The following CNTN2 variants were observed in gnomAD, a reference collection of about 807,000 sequenced individuals.
The protein encoded by CNTN2 is contactin-2.
Under a neutral mutation model 117.5 loss-of-function variants are expected in CNTN2, and 53 were observed. The ratio of observed to expected loss-of-function variants is 0.45; its 90% CI spans 0.36 to 0.57. The LOEUF is 0.57. CNTN2 is among the 20% of genes least tolerant of loss of function. CNTN2 has a pLI of 0.00. For missense variants in CNTN2, 1,106 were observed against 1,404.3 expected (o/e 0.79, Z 3.39); for synonymous variants, 530 against 561.7 (o/e 0.94, Z 0.80).
In CNTN2 at chr1:205,053,178, C is replaced by T. The variant is rs1212938657; in HGVS notation, c.-8C>T. The T allele has an allele frequency of 6.2e-7, 1 of 1,611,346 alleles. No individual in the cohort carries two copies. Among genetic ancestry groups the T allele is most frequent in the Non-Finnish European group, 8.5e-7 (1 of 1,178,792 alleles). On this transcript the variant is annotated 5_prime_UTR_variant, in exon 2 of 23. Coordinates refer to ENST00000331830, the MANE Select transcript of CNTN2 (RefSeq NM_005076.5). ...CCTCCGATCCCCACCTCTGCCCGGA[C>T]ATCCACCATGGGGACAGCCACCAGG...
chr1:205,044,866 T>C (rs1193107356), intron 1 of CNTN2, among the ~76,000 whole-genome samples: 1 of 152,130 alleles, frequency 6.6e-6, no homozygotes, highest in Non-Finnish European at 1.5e-5. Context: ...AGCTCTCCCC[T>C]TAAAGACAGC....
At position 205,066,563 on chromosome 1, in the gene CNTN2, A is replaced by G; in HGVS notation, c.1939A>G (p.Thr647Ala). The change falls in exon 15 of 23, where the codon ACT (threonine) becomes GCT (alanine). Residue 647 changes from threonine to alanine, a missense_variant. Transcript: ENST00000331830. Reference sequence around the variant, plus strand: ...CGCTAAGTACACCCTGCAAGCTCGCACTCCACCTGCAGGGAAGTGGAAGCA... The same window carrying G: ...CGCTAAGTACACCCTGCAAGCTCGCGCTCCACCTGCAGGGAAGTGGAAGCA... ...PIAKYTLQAR[T>A]PPAGKWKQVR... 6.2e-7 allele frequency: 1 copy of G among 1,613,760 alleles called. No individual in the cohort carries two copies. The highest frequency in any genetic ancestry group is 1.3e-5 in the African/African-American group (1 of 74,950).
At position 205,058,539 on chromosome 1, in the gene CNTN2, G is replaced by A; in HGVS notation, c.392-29G>A. The A allele has an allele frequency of 3.1e-6, 5 of 1,608,286 alleles. No homozygotes were observed. The highest frequency in any genetic ancestry group is 4.5e-5 in the East Asian group (2 of 44,812). ...GAGGGGCTCGCAGGCCAGGAGGACA[G>A]TGCCTGAGCCCCTGGTCTCTGCCTC... On this transcript the variant is annotated intron_variant, in intron 4 of 22. Transcript: ENST00000331830. This position sits in a 1 kb window ranked among gnomAD's most constrained non-coding sequence, Gnocchi z 4.3.
chr1:205,070,160 TAGG>T lies in CNTN2; in HGVS notation c.2431+106_2431+108del, dbSNP rs1654517318. The T allele has an allele frequency of 3.3e-6, 4 of 1,194,736 alleles. No individual in the cohort carries two copies. In the South Asian group the frequency reaches 5.4e-5, roughly 16 times the overall value. 74.0% of individuals were successfully genotyped at this position (1,194,736 alleles called of 1,614,324 possible). A position where few individuals can be genotyped will look rare whatever the true frequency, so the allele number is the denominator to read the frequency against. On this transcript the variant is annotated intron_variant, in intron 18 of 22. Transcript: ENST00000331830. ...CTACTCATCTCCCAGCTCAGTTCCA[TAGG>T]AGGAGGTTGAGAGGACACCTGGGTT...
intron 16 of CNTN2, chr1:205,068,655 C>T (rs987541011): frequency 2.0e-5 from 3 of 152,182 alleles, no homozygotes; most frequent in Non-Finnish European, 4.4e-5. Context: ...ACTGTGTGAC[C>T]TTAGGCAAGT....
At position 205,067,157 on chromosome 1, in the gene CNTN2, T is replaced by G. The variant is rs1553347245; in HGVS notation, c.2032T>G (p.Trp678Gly). 1 of 1,613,992 alleles carries G rather than the reference T, an allele frequency of 6.2e-7. No individual in the cohort carries two copies. The highest frequency in any genetic ancestry group is 1.3e-5 in the African/African-American group (1 of 74,918). Residue 678 changes from tryptophan to glycine, a missense_variant, in exon 16 of 23, where the codon TGG (tryptophan) becomes GGG (glycine). By Grantham distance (184) the Trp-to-Gly change is radical. Transcript: ENST00000331830. ...ETAQVLGLTP[W>G]MDYEFRVIAS... is the part of the protein sequence containing the mutation. Reference sequence around the variant, plus strand: ...TGCACAGGTGCTGGGCCTCACCCCCTGGATGGACTATGAGTTCCGGGTCAT... The same window carrying G: ...TGCACAGGTGCTGGGCCTCACCCCCGGGATGGACTATGAGTTCCGGGTCAT...
At position 205,061,924 on chromosome 1, in the gene CNTN2, C is replaced by T. The variant is rs764472036; in HGVS notation, c.1033C>T (p.Arg345Cys). 12 of 1,606,352 alleles carry T rather than the reference C, an allele frequency of 7.5e-6. No individual in the cohort carries two copies. Among genetic ancestry groups the T allele is most frequent in the South Asian group, 3.3e-5 (3 of 90,164 alleles). The part of the protein sequence containing the change: ...DTEADIGSNL[R>C]WGCAAAGKPR... ...AGAGGCTGACATTGGCTCCAACCTG[C>T]GTTGGGGCTGTGCAGCCGCCGGCAA... The change falls in exon 9 of 23, where the codon CGT (arginine) becomes TGT (cysteine). Residue 345 changes from arginine to cysteine, a missense_variant. Coordinates refer to ENST00000331830, the MANE Select transcript of CNTN2 (RefSeq NM_005076.5). The surrounding 1 kb of genome is among the most constrained non-coding windows in gnomAD (Gnocchi z 4.8).
At chr1:205,070,598 G>C (rs1654544468) in intron 19 of CNTN2, 60 bp downstream of exon 19, 2 of 1,195,374 alleles carry the variant, frequency 1.7e-6, no homozygotes, top group Non-Finnish European at 1.2e-6. Context: ...AGCCAGGTGG[G>C]AACAACTCAC....
Position 205,048,799 on chromosome 1 carries a change from C to T in CNTN2, c.-86-4301C>T, listed in dbSNP as rs2096446557. On this transcript the variant is annotated intron_variant, in intron 1 of 22. Coordinates refer to ENST00000331830, the MANE Select transcript of CNTN2 (RefSeq NM_005076.5). This position sits in a 1 kb window ranked among gnomAD's most constrained non-coding sequence, Gnocchi z 4.1. ...GTCTCCCCTGTGCTTAGCACAATGCCTGGCACATGGTCAATAAACACTGTG... is the reference window on the plus strand; with the variant it reads ...GTCTCCCCTGTGCTTAGCACAATGCTTGGCACATGGTCAATAAACACTGTG... Among the ~76,000 whole-genome samples, 1 of 152,150 alleles carries T rather than the reference C, an allele frequency of 6.6e-6. No homozygotes were observed. The highest frequency in any genetic ancestry group is 2.4e-5 in the African/African-American group (1 of 41,426).
Position 205,077,720 on chromosome 1 carries a change from G to A in CNTN2, c.*3955G>A, listed in dbSNP as rs1654930695. On this transcript the variant is annotated 3_prime_UTR_variant, in exon 23 of 23. Coordinates refer to ENST00000331830, the MANE Select transcript of CNTN2 (RefSeq NM_005076.5). ...ATAGCTTTGGCCACAGCCCCAGGCA[G>A]CCTTTGGGGCCTATGACACTTAGTG... is the stretch of plus-strand genomic sequence containing the variant. 6.6e-6 allele frequency: 1 copy of A among 152,282 alleles called. No homozygotes were observed. The highest frequency in any genetic ancestry group is 2.1e-4 in the South Asian group (1 of 4,834). 9.4% of individuals were successfully genotyped at this position (152,282 alleles called of 1,614,324 possible). A position where few individuals can be genotyped will look rare whatever the true frequency, so the allele number is the denominator to read the frequency against.
At chr1:205,064,250 A>G in intron 10 of CNTN2, 72 bp from the exon 11 acceptor site, 1 of 1,487,780 alleles carries the variant, frequency 6.7e-7, no homozygotes, top group Non-Finnish European at 9.0e-7. Context: ...CGTGGCTTCA[A>G]AGGGCACGCC....
rs770455192 is a variant in CNTN2 at position 205,073,125 on chromosome 1, T to C, written c.2902T>C (p.Trp968Arg). 9 of 1,614,132 alleles carry C rather than the reference T, an allele frequency of 5.6e-6. No homozygotes were observed. In the Admixed American group the frequency reaches 1.5e-4, roughly 27 times the overall value. Residue 968 changes from tryptophan (W) to arginine (R), a missense_variant, in exon 22 of 23, where the codon TGG (tryptophan) becomes CGG (arginine). Trp to Arg is a moderately radical substitution (Grantham distance 101). Coordinates refer to ENST00000331830, the MANE Select transcript of CNTN2 (RefSeq NM_005076.5). The surrounding 1 kb of genome is among the most constrained non-coding windows in gnomAD (Gnocchi z 6.3). ...TPTLHLTGKN[W>R]IEIPVPEDIG... ...CACGCTCCACCTCACCGGCAAGAAC[T>C]GGATAGAAATCCCAGTGCCTGAAGA...
intron 1 of CNTN2, among the ~76,000 whole-genome samples, chr1:205,049,586 T>C (rs2096448765): frequency 6.6e-6 from 1 of 152,120 alleles, no homozygotes; most frequent in African/African-American, 2.4e-5. Context: ...CTCCAGCCCC[T>C]GGTTGTCTGT....
Position 205,070,058 on chromosome 1 carries a change from G to A in CNTN2, c.2428G>A (p.Glu810Lys). The A allele has an allele frequency of 6.2e-7, 1 of 1,613,538 alleles. No individual in the cohort carries two copies. Among genetic ancestry groups the A allele is most frequent in the African/African-American group, 1.3e-5 (1 of 75,072 alleles). Residue 810 changes from glutamate (E) to lysine (K), a missense_variant, in exon 18 of 23, where the codon GAA becomes AAA. Physicochemically the swap from Glu to Lys is moderately conservative, Grantham distance 56. Coordinates refer to ENST00000331830, the MANE Select transcript of CNTN2 (RefSeq NM_005076.5). ...CACTGCACTCGTGTACTCAGCTGAG[G>A]AAGGTGGGCTGCCCCTGGGCCCCCT... ...SLTALVYSAE[E>K]EPRVAPTKVW...
intron 17 of CNTN2, 109 bp downstream of exon 17, chr1:205,069,670 C>T: frequency 7.0e-7 from 1 of 1,426,986 alleles, no homozygotes; most frequent in Non-Finnish European, 9.7e-7. Flanking sequence ...GGATAACTTC[C>T]TGTCCCCCTT....
At position 205,062,466 on chromosome 1, in the gene CNTN2, C is replaced by A. The variant is rs1054922120; in HGVS notation, c.1137C>A (p.Asp379Glu). Residue 379 changes from aspartate (D) to glutamate (E), a missense_variant, in exon 10 of 23, where the codon GAC (aspartate) becomes GAA (glutamate). By Grantham distance (45) the Asp-to-Glu change is conservative (BLOSUM62 2). Transcript: ENST00000331830. ...ACCGGGTGGAGGTGTTGGCTGGGGA[C>A]CTGCGGTTCTCCAAGCTGAGCCTGG... is the stretch of plus-strand genomic sequence containing the variant. ...SQNRVEVLAGDLRFSKLSLED... is the reference protein window; with the variant it reads ...SQNRVEVLAGELRFSKLSLED... The A allele has an allele frequency of 6.2e-7, 1 of 1,613,936 alleles. No homozygotes were observed. The highest frequency in any genetic ancestry group is 8.5e-7 in the Non-Finnish European group (1 of 1,179,898).
Position 205,074,038 on chromosome 1 carries a change from G to T in CNTN2, c.*273G>T. The T allele has an allele frequency of 1.7e-6, 1 of 584,864 alleles. No individual in the cohort carries two copies. The highest frequency in any genetic ancestry group is 3.0e-6 in the Non-Finnish European group (1 of 329,152). The allele number at this position is 584,864 out of a possible 1,614,324, so 36.2% of individuals were successfully genotyped here. A position where few individuals can be genotyped will look rare whatever the true frequency, so the allele number is the denominator to read the frequency against. On this transcript the variant is annotated 3_prime_UTR_variant, in exon 23 of 23. Coordinates refer to ENST00000331830, the MANE Select transcript of CNTN2 (RefSeq NM_005076.5). ...ATACCTGAGCTCTAGGCTGCCTGGA[G>T]GGAAGGAACAGGCCCATGGGAAGAA...
rs767304262 is a variant in CNTN2 at position 205,059,640 on chromosome 1, T to C, written c.755T>C (p.Leu252Pro). The C allele has an allele frequency of 3.1e-6, 5 of 1,614,046 alleles. No homozygotes were observed. The South Asian group carries it at 5.5e-5, about 18-fold the overall frequency. The change falls in exon 7 of 23, where the codon CTG (leucine) becomes CCG (proline). Residue 252 changes from leucine (L) to proline (P), a missense_variant. By Grantham distance (98) the Leu-to-Pro change is moderately conservative. Transcript: ENST00000331830. This position sits in a 1 kb window ranked among gnomAD's most constrained non-coding sequence, Gnocchi z 5.6. ...KARFPAETYA[L>P]VGQQVTLECF... ...CGGTTCCCAGCAGAGACCTATGCAC[T>C]GGTGGGGCAGCAGGTCACCCTGGAG...
chr1:205,065,665 T>C lies in CNTN2; in HGVS notation c.1696-124T>C. On this transcript the variant is annotated intron_variant, in intron 13 of 22. Transcript: ENST00000331830. This position sits in a 1 kb window ranked among gnomAD's most constrained non-coding sequence, Gnocchi z 4.1. ...CATTGAGCAGACAGGAAAACTGAGA[T>C]CCAGTGGGGTCCATGGATGTCATGG... 4 of 1,164,152 alleles carry C rather than the reference T, an allele frequency of 3.4e-6. No individual in the cohort carries two copies. Among genetic ancestry groups the C allele is most frequent in the Non-Finnish European group, 4.8e-6 (4 of 826,382 alleles). The allele number at this position is 1,164,152 out of a possible 1,614,324, so 72.1% of individuals were successfully genotyped here.
Sources: gnomAD v4.1 joint callset for allele counts (sites outside exome capture counted in the v4.1 genomes callset) on GRCh38, gnomAD v4.1.1 for gene constraint, Gnocchi (gnomAD v3.1) non-coding constraint, MANE v1.5 for transcripts, NCBI Gene and HGNC (gene_info 2026-07-23, HGNC 2026-07-21) for gene names.